Variants in CCDC7 observed in about 807,000 individuals in gnomAD.
The protein encoded by CCDC7 is coiled-coil domain containing 7.
Under a neutral mutation model 196.9 loss-of-function variants are expected in CCDC7, and 183 were observed. That is an observed-to-expected ratio of 0.93 (90% CI 0.82 to 1.05). CCDC7 has a LOEUF of 1.05. Ranked by LOEUF, CCDC7 falls within the 50% of genes least tolerant of loss-of-function variation. The pLI is 0.00. For missense variants in CCDC7, 1,540 were observed against 1,482.2 expected (o/e 1.04, Z -0.64); for synonymous variants, 525 against 484.6 (o/e 1.08, Z -1.10).
At chr10:32,685,411 CT>C (rs2076356492) in intron 21 of CCDC7, among the ~76,000 whole-genome samples, 2 of 152,054 alleles carry the variant, frequency 1.3e-5, no homozygotes, top group African/African-American at 4.8e-5. Context: ...TTGTTTTAGG[CT>C]TTTAGCAGCC....
chr10:32,854,249 A>G, intron 40 of CCDC7, 151 bp from the exon 42 acceptor site: 1 of 557,516 alleles, frequency 1.8e-6, no homozygotes, highest in Non-Finnish European at 3.2e-6. Flanking sequence ...GAGAGAAAAT[A>G]TTTGTGTCAG....
intron 21 of CCDC7, among the ~76,000 whole-genome samples, chr10:32,684,450 C>T (rs1231870595): frequency 6.6e-6 from 1 of 152,158 alleles, no homozygotes; most frequent in Non-Finnish European, 1.5e-5. Context: ...CCCAGGGGCT[C>T]TCAAGCACTC....
At chr10:32,600,324 TA>T (rs983359589) in intron 18 of CCDC7, among the ~76,000 whole-genome samples, 3 of 151,892 alleles carry the variant, frequency 2.0e-5, no homozygotes, top group African/African-American at 7.2e-5. Flanking sequence ...GCAGCTATTG[TA>T]AAAAAGATTG....
At chr10:32,593,020 T>C (rs1308399794) in intron 18 of CCDC7, among the ~76,000 whole-genome samples, 1 of 152,220 alleles carries the variant, frequency 6.6e-6, no homozygotes, top group African/African-American at 2.4e-5. Context: ...TGTGTGCATG[T>C]GTCTTTATAG....
intron 20 of CCDC7, among the ~76,000 whole-genome samples, chr10:32,651,314 A>G (rs1464037490): frequency 6.6e-6 from 1 of 152,192 alleles, no homozygotes; most frequent in African/African-American, 2.4e-5. Flanking sequence ...TTGGGTTCCC[A>G]GCTTCCTCCC....
intron 14 of CCDC7, among the ~76,000 whole-genome samples, chr10:32,566,460 G>C (rs1434172267): frequency 2.0e-5 from 3 of 152,034 alleles, no homozygotes. Context: ...TTGTTAAGGA[G>C]TTTGCTAAGA....
chr10:32,681,950 C>A (rs2075916688), intron 21 of CCDC7, among the ~76,000 whole-genome samples: 1 of 151,876 alleles, frequency 6.6e-6, no homozygotes, highest in Admixed American at 6.6e-5. Context: ...TATATATATT[C>A]TTTCTTCTAC....
At chr10:32,532,409 A>T (rs1266852956) in intron 11 of CCDC7, among the ~76,000 whole-genome samples, 2 of 152,046 alleles carry the variant, frequency 1.3e-5, no homozygotes, top group Non-Finnish European at 2.9e-5. Context: ...ACTTGATATG[A>T]TTTCTATGTT....
chr10:32,579,984 G>A (rs1327545963), intron 16 of CCDC7, among the ~76,000 whole-genome samples: 2 of 151,924 alleles, frequency 1.3e-5, no homozygotes, highest in East Asian at 1.9e-4. Flanking sequence ...AAACTTACAA[G>A]CAGAATAGCG....
chr10:32,701,207 C>G (rs1285039838), intron 24 of CCDC7, among the ~76,000 whole-genome samples: 1 of 152,082 alleles, frequency 6.6e-6, no homozygotes, highest in African/African-American at 2.4e-5. Context: ...CTGGATAGCT[C>G]TTATTATTTT....
At chr10:32,585,622 G>GTGTT in intron 18 of CCDC7, among the ~76,000 whole-genome samples, 1 of 152,196 alleles carries the variant, frequency 6.6e-6, no homozygotes, top group East Asian at 1.9e-4. Flanking sequence ...AGAACATGTG[G>GTGTT]TGTTTGGTTT....
chr10:32,791,002 T>C (rs2082608598), intron 29 of CCDC7, among the ~76,000 whole-genome samples: 2 of 152,120 alleles, frequency 1.3e-5, no homozygotes, highest in Non-Finnish European at 2.9e-5. Context: ...TTCATTACTA[T>C]GGGAAAAATG....
At chr10:32,862,097 C>T (rs2094011344) in intron 41 of CCDC7, among the ~76,000 whole-genome samples, 1 of 152,164 alleles carries the variant, frequency 6.6e-6, no homozygotes, top group African/African-American at 2.4e-5. Flanking sequence ...AATCATTCTG[C>T]TATAAAGACA....
chr10:32,716,943 T>C (rs1440391987), intron 25 of CCDC7, among the ~76,000 whole-genome samples: 1 of 152,144 alleles, frequency 6.6e-6, no homozygotes, highest in Non-Finnish European at 1.5e-5. Context: ...AGTGTGATAC[T>C]TTAACATCCC....
At chr10:32,603,243 A>G (rs1453061575) in intron 18 of CCDC7, among the ~76,000 whole-genome samples, 2 of 151,972 alleles carry the variant, frequency 1.3e-5, no homozygotes, top group African/African-American at 4.8e-5. Context: ...ACTTAACATA[A>G]TGACCTCCAA....
downstream of CCDC7, among the ~76,000 whole-genome samples, chr10:32,881,655 T>G (rs911060082): frequency 1.3e-5 from 2 of 152,146 alleles, no homozygotes; most frequent in African/African-American, 4.8e-5. Context: ...ATCACCTTCC[T>G]AGCCAGCCAG....
intron 8 of CCDC7, among the ~76,000 whole-genome samples, chr10:32,482,947 C>T (rs1011487342): frequency 1.5e-4 from 23 of 152,136 alleles, no homozygotes; most frequent in South Asian, 1.5e-3. Flanking sequence ...TGAATAGTGC[C>T]GCAATAAACA....
At chr10:32,473,224 C>T (rs796213216) in intron 7 of CCDC7, among the ~76,000 whole-genome samples, 1 of 152,124 alleles carries the variant, frequency 6.6e-6, no homozygotes, top group Non-Finnish European at 1.5e-5. Context: ...AAGGAGCAAT[C>T]TGTTCAACCT....
At chr10:32,517,877 G>T in intron 9 of CCDC7, 68 bp from the exon 11 acceptor site, 1 of 1,530,608 alleles carries the variant, frequency 6.5e-7, no homozygotes, top group Non-Finnish European at 8.8e-7. Context: ...AAAAGAAAAT[G>T]TGTGTGTTTC....
Sources: gnomAD v4.1 joint callset for allele counts (sites outside exome capture counted in the v4.1 genomes callset) on GRCh38, gnomAD v4.1.1 for gene constraint, MANE v1.5 for transcripts, NCBI Gene and HGNC (gene_info 2026-07-23, HGNC 2026-07-21) for gene names.